ADGRV1: variants seen among roughly 807,000 people sequenced by gnomAD.
ADGRV1 encodes the protein adhesion G protein-coupled receptor V1, also known as G-protein coupled receptor 98.
A neutral mutation model predicts 596.2 loss-of-function variants in ADGRV1; 359 were observed. That is an observed-to-expected ratio of 0.60 (90% CI 0.55 to 0.66). The LOEUF (loss-of-function observed/expected upper bound fraction) is 0.66, where lower values mean the gene tolerates loss of function less well. Among genes scored for constraint, ADGRV1 ranks in the 30% least tolerant of loss-of-function variants. The probability of loss-of-function intolerance (pLI) is 0.00; values close to 1 mark genes in which losing one functional copy is unlikely to be tolerated. For synonymous variants in ADGRV1, 2,681 were observed against 2,679.2 expected (o/e 1.00, Z -0.02); for missense variants, 7,274 against 7,575.6 (o/e 0.96, Z 1.48).
chr5:91,122,800 C>A (rs13154380), intron 87 of ADGRV1, among the ~76,000 whole-genome samples: 2 of 151,970 alleles, frequency 1.3e-5, no homozygotes, highest in Non-Finnish European at 2.9e-5. Flanking sequence ...TCTCTTGCCC[C>A]CTCTCCGCTA....
At chr5:90,972,575 A>C (rs187235050) in intron 84 of ADGRV1, among the ~76,000 whole-genome samples, 1 of 152,330 alleles carries the variant, frequency 6.6e-6, no homozygotes, top group East Asian at 1.9e-4. Flanking sequence ...ACTACATGGA[A>C]ACTGAACAAC....
intron 85 of ADGRV1, among the ~76,000 whole-genome samples, chr5:91,060,422 G>A (rs1322805990): frequency 6.7e-6 from 1 of 149,646 alleles, no homozygotes; most frequent in Non-Finnish European, 1.5e-5. Context: ...TAGAGACGAG[G>A]TTTCACCATG....
At chr5:90,598,711 G>A (rs1020701118) in intron 1 of ADGRV1, among the ~76,000 whole-genome samples, 1 of 152,148 alleles carries the variant, frequency 6.6e-6, no homozygotes, top group African/African-American at 2.4e-5. Flanking sequence ...ATACAAGTAG[G>A]GGAGCTCCAA....
At chr5:90,854,279 G>T in intron 81 of ADGRV1, 78 bp downstream of exon 81, 1 of 1,020,416 alleles carries the variant, frequency 9.8e-7, no homozygotes, top group South Asian at 1.9e-5. Flanking sequence ...GTTTTGTACT[G>T]AGCATAGATG....
At chr5:90,797,391 TA>T (rs1424453069) in intron 70 of ADGRV1, among the ~76,000 whole-genome samples, 1 of 143,236 alleles carries the variant, frequency 7.0e-6, no homozygotes, top group Non-Finnish European at 1.5e-5. Flanking sequence ...GGCCAGTACA[TA>T]ATGGTAAAGG....
chr5:90,646,859 C>G (rs528915445), intron 16 of ADGRV1, among the ~76,000 whole-genome samples: 1 of 151,460 alleles, frequency 6.6e-6, no homozygotes, highest in East Asian at 1.9e-4. Flanking sequence ...CTGCACCCTC[C>G]GCCTTCTGGA....
At chr5:90,618,016 T>C in intron 3 of ADGRV1, 63 bp downstream of exon 3, 2 of 1,274,958 alleles carry the variant, frequency 1.6e-6, no homozygotes, top group South Asian at 3.2e-5. Flanking sequence ...ATAAAAATCT[T>C]TTAGTGCTTA....
At position 90,783,882 on chromosome 5, in the gene ADGRV1, G is replaced by A; in HGVS notation, c.13478G>A (p.Gly4493Glu). ...PIEILLTGAT[G>E]GAVLGRHLVS... ...GAAATTCTACTCACTGGAGCTACTG[G>A]AGGAGCGGTCCTTGGGCGCCACCTA... Residue 4493 changes from glycine (G) to glutamate (E), a missense_variant, in exon 67 of 90, where the codon GGA (glycine) becomes GAA (glutamate). This residue lies in a region of ADGRV1 where 3,643 missense variants were observed against 3,809.2 expected (regional missense o/e 0.96). Coordinates refer to ENST00000405460, the MANE Select transcript of ADGRV1 (RefSeq NM_032119.4). The A allele has an allele frequency of 6.2e-7, 1 of 1,611,698 alleles. No homozygotes were observed. Among genetic ancestry groups the A allele is most frequent in the Middle Eastern group, 1.7e-4 (1 of 5,956 alleles).
chr5:90,673,932 C>A, intron 22 of ADGRV1, 122 bp from the exon 23 acceptor site: 1 of 651,582 alleles, frequency 1.5e-6, no homozygotes, highest in Non-Finnish European at 2.6e-6. Context: ...TTAATTTATG[C>A]AGAAATAAGT....
intron 84 of ADGRV1, among the ~76,000 whole-genome samples, chr5:90,967,243 T>A (rs1778554062): frequency 7.3e-6 from 1 of 136,358 alleles, no homozygotes; most frequent in African/African-American, 2.7e-5. Context: ...AGCTATTGAC[T>A]CTCTCCAAGA....
intron 70 of ADGRV1, among the ~76,000 whole-genome samples, chr5:90,795,940 G>A (rs962384438): frequency 6.6e-6 from 1 of 152,082 alleles, no homozygotes; most frequent in Non-Finnish European, 1.5e-5. Context: ...ACAGAAAGGA[G>A]CAGCACATCC....
intron 83 of ADGRV1, among the ~76,000 whole-genome samples, chr5:90,865,209 A>T (rs537392159): frequency 4.6e-5 from 7 of 152,152 alleles, no homozygotes; most frequent in Non-Finnish European, 1.0e-4. Context: ...TTTGAATTTC[A>T]CAAGGCTATT....
intron 85 of ADGRV1, among the ~76,000 whole-genome samples, chr5:90,988,766 A>C (rs1365258641): frequency 6.7e-6 from 1 of 150,010 alleles, no homozygotes; most frequent in African/African-American, 2.4e-5. Context: ...AATTAGGTAT[A>C]TCTCCTAATG....
intron 50 of ADGRV1, among the ~76,000 whole-genome samples, chr5:90,733,482 C>A (rs949197799): frequency 1.3e-5 from 2 of 151,994 alleles, no homozygotes; most frequent in African/African-American, 4.8e-5. Flanking sequence ...ATATTGATTG[C>A]GAAGACTAGA....
At chr5:91,139,333 G>GC (rs1319835326) in intron 87 of ADGRV1, among the ~76,000 whole-genome samples, 1 of 152,098 alleles carries the variant, frequency 6.6e-6, no homozygotes, top group Non-Finnish European at 1.5e-5. Flanking sequence ...AGATTTAGAA[G>GC]CCCAGTATAT....
In ADGRV1 at chr5:90,560,390, C is replaced by A. The variant is rs919878157; in HGVS notation, c.22+1473C>A. On this transcript the variant is annotated intron_variant, in intron 1 of 89. Coordinates refer to ENST00000405460, the MANE Select transcript of ADGRV1 (RefSeq NM_032119.4). ...ATGAATGCCTGCTATGTAGTGAATT[C>A]TTAGAAACCCTTTACATAGGTTATC... Among the ~76,000 whole-genome samples the A allele has an allele frequency of 7.2e-5, 11 of 152,102 alleles. No individual in the cohort carries two copies. The South Asian group carries it at 2.3e-3, about 31-fold the overall frequency.
At chr5:90,672,411 G>A in intron 21 of ADGRV1, 135 bp from the exon 22 acceptor site, 1 of 555,334 alleles carries the variant, frequency 1.8e-6, no homozygotes, top group Non-Finnish European at 3.1e-6. Context: ...GAATGCAGAG[G>A]CCTCGTTAGT....
intron 83 of ADGRV1, among the ~76,000 whole-genome samples, chr5:90,893,434 G>T (rs1771013383): frequency 6.6e-6 from 1 of 152,124 alleles, no homozygotes; most frequent in African/African-American, 2.4e-5. Context: ...GTCTACTGTG[G>T]GAGGGGACTA....
At chr5:91,121,293 G>A (rs1793295162) in intron 87 of ADGRV1, among the ~76,000 whole-genome samples, 1 of 152,124 alleles carries the variant, frequency 6.6e-6, no homozygotes, top group Non-Finnish European at 1.5e-5. Context: ...GCTAAATCAT[G>A]AGACCATGGG....
Sources: allele counts gnomAD v4.1 joint callset (sites outside exome capture counted in the v4.1 genomes callset), GRCh38; gene constraint gnomAD v4.1.1; regional missense constraint gnomAD v4.1.1; transcripts MANE v1.5; gene names NCBI Gene and HGNC (gene_info 2026-07-23, HGNC 2026-07-21).